Variants in MARCHF1 observed in about 807,000 individuals in gnomAD.
MARCHF1 encodes the protein E3 ubiquitin-protein ligase MARCHF1.
In MARCHF1, 40 loss-of-function variants were observed where a neutral mutation model predicts 54.2. That is an observed-to-expected ratio of 0.74 (90% confidence interval 0.57 to 0.96). The LOEUF (loss-of-function observed/expected upper bound fraction) is 0.96. MARCHF1 is among the 40% of genes least tolerant of loss of function. MARCHF1 has a pLI of 0.00. For missense variants in MARCHF1, 586 were observed against 656.5 expected (o/e 0.89, Z 1.17); for synonymous variants, 236 against 236.3 (o/e 1.00, Z 0.01).
intron 1 of MARCHF1, among the ~76,000 whole-genome samples, chr4:164,250,383 C>T (rs1397026405): frequency 6.6e-6 from 1 of 151,940 alleles, no homozygotes; most frequent in East Asian, 1.9e-4. Context: ...CCCCAGAAAG[C>T]CAATATAGAA....
Position 163,612,641 on chromosome 4 carries a change from A to G in MARCHF1, c.640T>C (p.Ser214Pro). The change falls in exon 7 of 10, where the codon TCC (serine) becomes CCC (proline). Residue 214 changes from serine (S) to proline (P), a missense_variant. Coordinates refer to ENST00000514618, the MANE Select transcript of MARCHF1 (RefSeq NM_001394959.1). ...PNGIELVDLGSKGKEQQELIE... is the reference protein window; with the variant it reads ...PNGIELVDLGPKGKEQQELIE... ...AGCTCTTGTTGCTCTTTACCTTTGG[A>G]TCCCAGATCAACGAGCTCAATTCCG... is the stretch of plus-strand genomic sequence containing the variant. The G allele has an allele frequency of 6.5e-7, 1 of 1,535,566 alleles. No homozygotes were observed. Among genetic ancestry groups the G allele is most frequent in the East Asian group, 2.4e-5 (1 of 40,874 alleles).
chr4:163,839,982 C>G (rs1361783526), intron 4 of MARCHF1, among the ~76,000 whole-genome samples: 1 of 151,672 alleles, frequency 6.6e-6, no homozygotes, highest in East Asian at 1.9e-4. Flanking sequence ...AGAAATATCA[C>G]AAAAAAAGAG....
chr4:164,022,445 G>A (rs1753685611), intron 2 of MARCHF1, among the ~76,000 whole-genome samples: 1 of 152,184 alleles, frequency 6.6e-6, no homozygotes, highest in African/African-American at 2.4e-5. Context: ...AAAGAAAGCT[G>A]AAAACCACAT....
intron 5 of MARCHF1, among the ~76,000 whole-genome samples, chr4:163,660,752 A>G (rs1169071781): frequency 6.6e-6 from 1 of 152,014 alleles, no homozygotes; most frequent in Non-Finnish European, 1.5e-5. Context: ...AACTTGTCAG[A>G]ATTTCTTCAA....
intron 4 of MARCHF1, among the ~76,000 whole-genome samples, chr4:163,812,575 T>C (rs186057886): frequency 2.0e-3 from 302 of 152,150 alleles, no homozygotes; most frequent in African/African-American, 7.1e-3. Flanking sequence ...CTGGCCAACA[T>C]GGTGAAACCC....
intron 5 of MARCHF1, among the ~76,000 whole-genome samples, chr4:163,632,493 C>A (rs377206897): frequency 2.6e-5 from 4 of 152,142 alleles, no homozygotes; most frequent in Non-Finnish European, 5.9e-5. Flanking sequence ...ATGGACGGCA[C>A]CTGGAAAATC....
intron 2 of MARCHF1, among the ~76,000 whole-genome samples, chr4:164,023,282 G>A (rs946934392): frequency 6.6e-6 from 1 of 152,140 alleles, no homozygotes; most frequent in African/African-American, 2.4e-5. Context: ...AGTGACTGAA[G>A]GGGGCTCCTC....
rs568563194 is a variant in MARCHF1 at position 164,077,601 on chromosome 4, G to A, written c.-248+33987C>T. On this transcript the variant is annotated intron_variant, in intron 2 of 9. Coordinates refer to ENST00000514618, the MANE Select transcript of MARCHF1 (RefSeq NM_001394959.1). The stretch of plus-strand genomic sequence containing the variant: ...CATCAGAGTGAACAGGCAACCTACA[G>A]AATGGGAGAAAATTTTTGCAATCTA... Among the ~76,000 whole-genome samples the A allele has an allele frequency of 9.9e-5, 15 of 152,266 alleles. No individual in the cohort carries two copies. The East Asian group carries it at 2.7e-3, about 27-fold the overall frequency.
chr4:163,889,919 C>CTTTTTTTTTTTTTTT (rs146357456), intron 3 of MARCHF1, among the ~76,000 whole-genome samples: 2 of 117,238 alleles, frequency 1.7e-5, no homozygotes, highest in Non-Finnish European at 3.4e-5. Flanking sequence ...TATTTATTTT[C>CTTTTTTTTTTTTTTT]TTTTTTCTTT....
chr4:163,783,714 C>T (rs1327892657), intron 4 of MARCHF1, among the ~76,000 whole-genome samples: 1 of 152,162 alleles, frequency 6.6e-6, no homozygotes, highest in Admixed American at 6.5e-5. Flanking sequence ...GGTACAGGAG[C>T]AATTGGCTTT....
chr4:164,307,880 GAAT>G (rs1342231782), intron 1 of MARCHF1, among the ~76,000 whole-genome samples: 1 of 152,144 alleles, frequency 6.6e-6, no homozygotes, highest in African/African-American at 2.4e-5. Context: ...CTTTCCAGAA[GAAT>G]AATGAGCTTA....
intron 5 of MARCHF1, among the ~76,000 whole-genome samples, chr4:163,676,690 A>C (rs1743931573): frequency 6.6e-6 from 1 of 152,200 alleles, no homozygotes; most frequent in South Asian, 2.1e-4. Context: ...CAGGAATTTG[A>C]GGTTACGATG....
chr4:163,880,306 A>G (rs1579361444), intron 3 of MARCHF1, among the ~76,000 whole-genome samples: 1 of 151,356 alleles, frequency 6.6e-6, no homozygotes, highest in East Asian at 1.9e-4. Context: ...TCAGAAAATA[A>G]TTTTTAAATG....
chr4:163,920,883 T>G (rs570887769), intron 3 of MARCHF1, among the ~76,000 whole-genome samples: 1 of 152,296 alleles, frequency 6.6e-6, no homozygotes, highest in East Asian at 1.9e-4. Flanking sequence ...ATCTGAACAA[T>G]GTAAGAACAT....
At chr4:164,038,932 A>T (rs568584903) in intron 2 of MARCHF1, among the ~76,000 whole-genome samples, 1 of 152,320 alleles carries the variant, frequency 6.6e-6, no homozygotes, top group East Asian at 1.9e-4. Context: ...GATGATGAAT[A>T]ATCAAATATA....
Position 164,300,200 on chromosome 4 carries a change from T to C in MARCHF1, c.-323+83670A>G, listed in dbSNP as rs577307066. Among the ~76,000 whole-genome samples, 9 of 152,274 alleles carry C rather than the reference T, an allele frequency of 5.9e-5. No homozygotes were observed. In the East Asian group the frequency reaches 9.7e-4, roughly 16 times the overall value. On this transcript the variant is annotated intron_variant, in intron 1 of 9. Transcript: ENST00000514618. Reference sequence around the variant, plus strand: ...CTGTAGAACATCATTATCATCATTATTGCCGAGACTAATGACCACTCTTAG... The same window carrying C: ...CTGTAGAACATCATTATCATCATTACTGCCGAGACTAATGACCACTCTTAG...
chr4:163,619,975 A>G (rs974889975), intron 5 of MARCHF1, among the ~76,000 whole-genome samples: 1 of 152,218 alleles, frequency 6.6e-6, no homozygotes, highest in Admixed American at 6.5e-5. Flanking sequence ...CATCCTGGAC[A>G]AAACCAGAAT....
At chr4:164,088,023 T>C (rs780955988) in intron 2 of MARCHF1, among the ~76,000 whole-genome samples, 3 of 151,992 alleles carry the variant, frequency 2.0e-5, no homozygotes, top group Non-Finnish European at 4.4e-5. Context: ...TCTTCATACA[T>C]ATGAATGAGT....
chr4:163,779,823 A>G (rs1035283020), intron 4 of MARCHF1, among the ~76,000 whole-genome samples: 2 of 152,166 alleles, frequency 1.3e-5, no homozygotes, highest in African/African-American at 4.8e-5. Flanking sequence ...CTTGAAAAAA[A>G]GAAGAAAAAA....
Sources: allele counts gnomAD v4.1 joint callset (sites outside exome capture counted in the v4.1 genomes callset), GRCh38; gene constraint gnomAD v4.1.1; transcripts MANE v1.5; gene names NCBI Gene and HGNC (gene_info 2026-07-23, HGNC 2026-07-21).